The following RPS6KA6 variants were observed in gnomAD, a reference collection of about 807,000 sequenced individuals.
The protein encoded by RPS6KA6 is ribosomal protein S6 kinase alpha-6.
In RPS6KA6, 27 loss-of-function variants were observed where a neutral mutation model predicts 65.4. The ratio of observed to expected loss-of-function variants is 0.41; its 90% CI spans 0.30 to 0.57. The LOEUF (loss-of-function observed/expected upper bound fraction) is 0.57, where lower values mean the gene tolerates loss of function less well. Ranked by LOEUF, RPS6KA6 falls within the 20% of genes least tolerant of loss-of-function variation. RPS6KA6 has a pLI of 0.24. For synonymous variants in RPS6KA6, 190 were observed against 184.2 expected, an observed-to-expected ratio of 1.03 and a Z score of -0.26; for missense variants, 486 against 555.6, an observed-to-expected ratio of 0.87 and a Z score of 1.26.
chrX:84,066,803 C>A (rs1481056502), intron 20 of RPS6KA6, among the ~76,000 whole-genome samples: 1 of 111,896 alleles, frequency 8.9e-6, no homozygotes, highest in Non-Finnish European at 1.9e-5. Flanking sequence ...TAAAGTGGGT[C>A]CCTGACCCCT....
rs1169261279 is a variant in RPS6KA6 at position 84,062,494 on chromosome X, A to G, written c.*1783T>C. 1.8e-5 allele frequency: 2 copies of G among 111,445 alleles called. No homozygotes were observed. The highest frequency in any genetic ancestry group is 3.8e-5 in the Non-Finnish European group (2 of 52,953). The allele number at this position is 111,445 out of a possible 1,213,427, so 9.2% of individuals were successfully genotyped here. On this transcript the variant is annotated 3_prime_UTR_variant, in exon 22 of 22. Transcript: ENST00000262752. ...GCAAGTACATATAGTAATAAAGCAA[A>G]TGAGAAAAAAAGCCAAAATGGAACA... is the stretch of plus-strand genomic sequence containing the variant.
intron 8 of RPS6KA6, among the ~76,000 whole-genome samples, chrX:84,133,879 A>T (rs1268270976): frequency 8.9e-6 from 1 of 111,907 alleles, no homozygotes; most frequent in East Asian, 2.8e-4. Context: ...GAGTCACTAA[A>T]CTTTATTTGA....
intron 6 of RPS6KA6, among the ~76,000 whole-genome samples, chrX:84,138,423 C>T (rs1469984226): frequency 2.7e-5 from 3 of 109,926 alleles, no homozygotes; most frequent in African/African-American, 1.0e-4. Flanking sequence ...TAGTGGCGCA[C>T]GCTTCTGTAG....
At chrX:84,125,552 T>C (rs1031324370) in intron 8 of RPS6KA6, among the ~76,000 whole-genome samples, 1 of 111,053 alleles carries the variant, frequency 9.0e-6, no homozygotes, top group Non-Finnish European at 1.9e-5. Context: ...ACAACAGATA[T>C]GCAAAAAATA....
chrX:84,066,206 G>GTTT (rs1207109128), intron 20 of RPS6KA6, among the ~76,000 whole-genome samples: 4 of 95,883 alleles, frequency 4.2e-5, no homozygotes, highest in Non-Finnish European at 4.2e-5. Context: ...GCTAGCTGCA[G>GTTT]TTTTTTTTTT....
In RPS6KA6 at chrX:84,109,773, G is replaced by T. The variant is rs748443910; in HGVS notation, c.1009-2048C>A. On this transcript the variant is annotated intron_variant, in intron 12 of 21. Coordinates refer to ENST00000262752, the MANE Select transcript of RPS6KA6 (RefSeq NM_014496.5). The stretch of plus-strand genomic sequence containing the variant: ...CTCCCTATCATAGCCAGCAGCAGGA[G>T]TCTAGAGACTTAACAAGTCCACTGG... 1.9e-4 allele frequency among the ~76,000 whole-genome samples: 21 copies of T among 110,667 alleles called. 1 individual carries two copies. The East Asian group carries it at 6.1e-3, about 32-fold the overall frequency.
intron 6 of RPS6KA6, among the ~76,000 whole-genome samples, chrX:84,135,949 C>T (rs1448118820): frequency 9.0e-6 from 1 of 111,643 alleles, no homozygotes; most frequent in East Asian, 2.8e-4. Flanking sequence ...GCCCTTTGGG[C>T]CTCAGTTTCT....
chrX:84,162,935 T>G (rs1311439521), intron 2 of RPS6KA6, among the ~76,000 whole-genome samples: 4 of 112,060 alleles, frequency 3.6e-5, no homozygotes, highest in Non-Finnish European at 7.5e-5. Flanking sequence ...AAAGACAACA[T>G]TGTATCTCTC....
chrX:84,180,145 T>C (rs2035829006), intron 1 of RPS6KA6, among the ~76,000 whole-genome samples: 1 of 111,767 alleles, frequency 8.9e-6, no homozygotes, highest in South Asian at 3.7e-4. Context: ...ATCCTTTAAG[T>C]AGAGTAATAA....
chrX:84,186,786 A>T, intron 1 of RPS6KA6: 1 of 111,904 alleles, frequency 8.9e-6, no homozygotes, highest in Middle Eastern at 4.6e-3. Context: ...ACTGTGAATC[A>T]ATTTCACCAA....
At chrX:84,110,053 A>G (rs2034439874) in intron 12 of RPS6KA6, among the ~76,000 whole-genome samples, 1 of 111,602 alleles carries the variant, frequency 9.0e-6, no homozygotes, top group Non-Finnish European at 1.9e-5. Flanking sequence ...CAAACAGGTG[A>G]GTCACAAAGC....
chrX:84,095,346 C>T (rs1319201247), intron 20 of RPS6KA6, among the ~76,000 whole-genome samples: 1 of 109,054 alleles, frequency 9.2e-6, no homozygotes, highest in Non-Finnish European at 1.9e-5. Flanking sequence ...CACATGGTGA[C>T]AAGTGATAGT....
chrX:84,179,133 T>C (rs2035810695), intron 1 of RPS6KA6, among the ~76,000 whole-genome samples: 1 of 111,404 alleles, frequency 9.0e-6, no homozygotes, highest in African/African-American at 3.3e-5. Flanking sequence ...AGAGAATATA[T>C]ACGGATGGCA....
intron 6 of RPS6KA6, among the ~76,000 whole-genome samples, chrX:84,141,372 T>C (rs1295621336): frequency 9.5e-6 from 1 of 104,904 alleles, no homozygotes; most frequent in East Asian, 3.0e-4. Flanking sequence ...TTATGGATAA[T>C]ATCTACAAGA....
chrX:84,105,826 C>T lies in RPS6KA6; in HGVS notation c.1416G>A (p.Met472Ile), dbSNP rs1443138295. The T allele has an allele frequency of 8.5e-7, 1 of 1,181,514 alleles. No individual in the cohort carries two copies. Among genetic ancestry groups the T allele is most frequent in the Non-Finnish European group, 1.1e-6 (1 of 872,947 alleles). The change falls in exon 16 of 22, where the codon ATG becomes ATA. Residue 472 changes from methionine to isoleucine, a missense_variant. Met to Ile is a conservative substitution (Grantham distance 10). Transcript: ENST00000262752. ...RDPSEEIEIL[M>I]RYGQHPNIIT... ...TAATGTTGGGATGTTGTCCATAGCG[C>T]ATCAATATTTCAATCTCTTCTGAAG...
intron 4 of RPS6KA6, among the ~76,000 whole-genome samples, chrX:84,147,686 A>T (rs1329509892): frequency 3.6e-5 from 4 of 112,032 alleles, no homozygotes; most frequent in Non-Finnish European, 7.5e-5. Flanking sequence ...ATCACACCCT[A>T]AAAGATAGTG....
chrX:84,114,383 G>C (rs1240560804), intron 12 of RPS6KA6, among the ~76,000 whole-genome samples: 1 of 110,307 alleles, frequency 9.1e-6, no homozygotes, highest in Non-Finnish European at 1.9e-5. Flanking sequence ...AGCTGCTCAG[G>C]AGGCTGAAGT....
In RPS6KA6 at chrX:84,116,219, C is replaced by T. The variant is rs1375313115; in HGVS notation, c.1008+10G>A. 5.5e-6 allele frequency: 6 copies of T among 1,085,924 alleles called. No homozygotes were observed. The Admixed American group carries it at 9.5e-5, about 17-fold the overall frequency. 89.5% of individuals were successfully genotyped at this position (1,085,924 alleles called of 1,213,427 possible). On this transcript the variant is annotated intron_variant, in intron 12 of 21. Coordinates refer to ENST00000262752, the MANE Select transcript of RPS6KA6 (RefSeq NM_014496.5). ...AAGTTATTCAATAACAAGCTTTCTA[C>T]TTAACTTACATCCCAGTCAATATTT... is the stretch of plus-strand genomic sequence containing the variant.
rs922785036 is a variant in RPS6KA6, at chrX:84,116,243, T to C, written c.994A>G (p.Asn332Asp). The C allele has an allele frequency of 8.8e-7, 1 of 1,139,417 alleles. No homozygotes were observed. The highest frequency in any genetic ancestry group is 1.2e-6 in the Non-Finnish European group (1 of 837,704). The allele number at this position is 1,139,417 out of a possible 1,213,427, so 93.9% of individuals were successfully genotyped here. ...ACTTAACTTACATCCCAGTCAATAT[T>C]TGCAAAAAACAGATGTCTTTTGATT... ...EEIKRHLFFANIDWDKLYKRE... is the reference protein window; with the variant it reads ...EEIKRHLFFADIDWDKLYKRE... The change falls in exon 12 of 22, where the codon AAT becomes GAT. Residue 332 changes from asparagine to aspartate, a missense_variant. Around this residue, in one of 3 missense-constraint regions of RPS6KA6, gnomAD observed 345 missense variants for 375.0 expected, o/e 0.92. Coordinates refer to ENST00000262752, the MANE Select transcript of RPS6KA6 (RefSeq NM_014496.5).
Sources: allele counts gnomAD v4.1 joint callset (sites outside exome capture counted in the v4.1 genomes callset), GRCh38; gene constraint gnomAD v4.1.1; regional missense constraint gnomAD v4.1.1; transcripts MANE v1.5; gene names NCBI Gene and HGNC (gene_info 2026-07-23, HGNC 2026-07-21).